Variants in SLC30A8 observed in about 807,000 individuals in gnomAD.
SLC30A8 encodes proton-coupled zinc antiporter SLC30A8.
A neutral mutation model predicts 36.9 loss-of-function variants in SLC30A8; 27 were observed. That is an observed-to-expected ratio of 0.73 (90% CI 0.54 to 1.01). The LOEUF (loss-of-function observed/expected upper bound fraction) is 1.01. Ranked by LOEUF, SLC30A8 falls within the 50% of genes least tolerant of loss-of-function variation. The pLI, the probability that SLC30A8 is intolerant of heterozygous loss-of-function variation, is 0.00. For missense variants in SLC30A8, 439 were observed against 452.0 expected (o/e 0.97, Z 0.26); for synonymous variants, 164 against 172.4 (o/e 0.95, Z 0.38).
At chr8:117,063,986 TA>T (rs1818095152) in intron 2 of SLC30A8, among the ~76,000 whole-genome samples, 1 of 151,608 alleles carries the variant, frequency 6.6e-6, no homozygotes, top group South Asian at 2.1e-4. Flanking sequence ...CTGTGGTGGC[TA>T]CCTTAGAAAA....
At chr8:116,973,846 G>C (rs1232124160) in intron 1 of SLC30A8, among the ~76,000 whole-genome samples, 3 of 152,158 alleles carry the variant, frequency 2.0e-5, no homozygotes, top group Non-Finnish European at 4.4e-5. Context: ...CAGAGATATA[G>C]ACCAATGGAA....
chr8:117,166,732 C>T (rs936745142), intron 6 of SLC30A8, among the ~76,000 whole-genome samples: 3 of 150,328 alleles, frequency 2.0e-5, no homozygotes, highest in Admixed American at 1.3e-4. Context: ...TCATATCAAA[C>T]ATCCAGATGA....
At chr8:116,982,259 GT>G (rs1037836696) in intron 1 of SLC30A8, among the ~76,000 whole-genome samples, 202 of 145,716 alleles carry the variant, frequency 1.4e-3, no homozygotes, top group African/African-American at 3.0e-3. Flanking sequence ...GTTGTTTCCA[GT>G]TTTTTTTTTT....
At chr8:117,039,635 A>G (rs1248082740) in intron 2 of SLC30A8, among the ~76,000 whole-genome samples, 3 of 152,318 alleles carry the variant, frequency 2.0e-5, no homozygotes, top group African/African-American at 7.2e-5. Context: ...AGAAGAGGAC[A>G]TTGTTGAGGC....
At chr8:117,146,708 T>C (rs1821912319) in intron 1 of SLC30A8, 1 of 643,862 alleles carries the variant, frequency 1.6e-6, no homozygotes, top group Non-Finnish European at 2.3e-6. Context: ...CTCTTAATAA[T>C]TGGTGGCATT....
At chr8:117,169,725 G>T (rs540136810) in intron 6 of SLC30A8, among the ~76,000 whole-genome samples, 4 of 152,044 alleles carry the variant, frequency 2.6e-5, no homozygotes, top group Non-Finnish European at 4.4e-5. Flanking sequence ...GGGGGAGAAG[G>T]CACGTCACAT....
At chr8:117,017,891 G>C (rs150718050) in intron 1 of SLC30A8, 9 of 152,208 alleles carry the variant, frequency 5.9e-5, no homozygotes, top group Admixed American at 6.5e-5. Flanking sequence ...AATAAAATGT[G>C]AGCCACTTAT....
At chr8:117,059,176 A>G (rs1029297787) in intron 2 of SLC30A8, among the ~76,000 whole-genome samples, 1 of 152,218 alleles carries the variant, frequency 6.6e-6, no homozygotes, top group African/African-American at 2.4e-5. Flanking sequence ...CATTGACCAG[A>G]TGGATGCACT....
At chr8:116,980,090 T>G (rs2130640862) in intron 1 of SLC30A8, among the ~76,000 whole-genome samples, 1 of 152,316 alleles carries the variant, frequency 6.6e-6, no homozygotes, top group South Asian at 2.1e-4. Flanking sequence ...CTTCTGAGGC[T>G]TGAGAAACTT....
At chr8:117,156,725 A>T (rs1004948894) in intron 3 of SLC30A8, among the ~76,000 whole-genome samples, 1 of 152,250 alleles carries the variant, frequency 6.6e-6, no homozygotes, top group East Asian at 1.9e-4. Flanking sequence ...GTAAAAAGTG[A>T]ATTTATTTGA....
chr8:116,976,830 T>TCTTTTCTTTTC (rs1815043951), intron 1 of SLC30A8, among the ~76,000 whole-genome samples: 20 of 142,698 alleles, frequency 1.4e-4, no homozygotes, highest in African/African-American at 5.1e-4. Flanking sequence ...TTCTTTTTTT[T>TCTTTTCTTTTC]TTTTTTTTAC....
chr8:117,017,155 T>C (rs1563749628), intron 1 of SLC30A8, among the ~76,000 whole-genome samples: 1 of 152,160 alleles, frequency 6.6e-6, no homozygotes, highest in Non-Finnish European at 1.5e-5. Flanking sequence ...AATTAGTTAA[T>C]ATATGTGAGG....
chr8:117,009,142 T>A (rs1196710518), intron 1 of SLC30A8, among the ~76,000 whole-genome samples: 1 of 152,190 alleles, frequency 6.6e-6, no homozygotes, highest in Non-Finnish European at 1.5e-5. Flanking sequence ...ATAAACTCAG[T>A]CATACTCAAA....
intron 6 of SLC30A8, among the ~76,000 whole-genome samples, chr8:117,169,897 C>A (rs1026446487): frequency 2.0e-5 from 3 of 152,114 alleles, no homozygotes; most frequent in Non-Finnish European, 2.9e-5. Context: ...TTAGGGATTA[C>A]AATTCAACAT....
At chr8:117,084,271 A>G (rs1586483972) in intron 2 of SLC30A8, among the ~76,000 whole-genome samples, 2 of 152,178 alleles carry the variant, frequency 1.3e-5, no homozygotes, top group South Asian at 2.1e-4. Flanking sequence ...TCTGCCAGTC[A>G]GAATTTCTTC....
intron 2 of SLC30A8, among the ~76,000 whole-genome samples, chr8:117,085,325 C>T (rs905171204): frequency 3.9e-5 from 6 of 152,090 alleles, no homozygotes; most frequent in African/African-American, 1.4e-4. Context: ...TCTCTTTGAC[C>T]TCCTGACCTT....
chr8:117,126,245 TAACAGGCTGG>T (rs1476717264), intron 2 of SLC30A8, among the ~76,000 whole-genome samples: 33 of 152,070 alleles, frequency 2.2e-4, no homozygotes, highest in African/African-American at 8.0e-4. Context: ...GCCTACATGA[TAACAGGCTGG>T]TTTTATGTAT....
chr8:116,965,908 G>A (rs1405855322), intron 1 of SLC30A8, among the ~76,000 whole-genome samples: 1 of 147,020 alleles, frequency 6.8e-6, no homozygotes, highest in Admixed American at 6.8e-5. Flanking sequence ...TTTGGAGATG[G>A]AGTCTTGCTC....
chr8:116,987,853 G>A (rs1260802464), intron 1 of SLC30A8, among the ~76,000 whole-genome samples: 2 of 151,942 alleles, frequency 1.3e-5, no homozygotes, highest in Admixed American at 6.6e-5. Flanking sequence ...GTGCCACCAC[G>A]GCTGGCTAAT....
Sources: gnomAD v4.1 joint callset for allele counts (sites outside exome capture counted in the v4.1 genomes callset) on GRCh38, gnomAD v4.1.1 for gene constraint, MANE v1.5 for transcripts, NCBI Gene and HGNC (gene_info 2026-07-23, HGNC 2026-07-21) for gene names.